SEMA5A: variants seen among roughly 807,000 people sequenced by gnomAD.
The protein encoded by SEMA5A is semaphorin-5A.
In SEMA5A, 55 loss-of-function variants were observed where a neutral mutation model predicts 135.5. The ratio of observed to expected loss-of-function variants is 0.41; its 90% CI spans 0.33 to 0.51. SEMA5A has a LOEUF of 0.51. Ranked by LOEUF, SEMA5A falls within the 20% of genes least tolerant of loss-of-function variation. The probability of loss-of-function intolerance (pLI) is 0.37; values close to 1 mark genes in which losing one functional copy is unlikely to be tolerated. For missense variants in SEMA5A, 1,290 were observed against 1,419.9 expected (o/e 0.91, Z 1.47); for synonymous variants, 580 against 546.5 (o/e 1.06, Z -0.85).
chr5:9,116,969 A>T (rs1481480078), intron 15 of SEMA5A, among the ~76,000 whole-genome samples: 1 of 152,226 alleles, frequency 6.6e-6, no homozygotes, highest in African/African-American at 2.4e-5. Context: ...CCCCCTAGAA[A>T]GACTATTCAA....
At chr5:9,384,661 T>TACATAGATAC (rs1214516553) in intron 2 of SEMA5A, among the ~76,000 whole-genome samples, 25 of 66,484 alleles carry the variant, frequency 3.8e-4, no homozygotes, top group Non-Finnish European at 5.7e-4. Context: ...GATAGATAGA[T>TACATAGATAC]ATAGATAGAT....
intron 3 of SEMA5A, among the ~76,000 whole-genome samples, chr5:9,356,607 T>C (rs1490825677): frequency 3.9e-5 from 6 of 152,234 alleles, no homozygotes. Context: ...CGGGAGCCCG[T>C]GTGGTGTGTG....
chr5:9,316,388 A>G (rs941561953), intron 5 of SEMA5A, among the ~76,000 whole-genome samples: 10 of 152,190 alleles, frequency 6.6e-5, no homozygotes, highest in Non-Finnish European at 1.5e-4. Context: ...AAGTGTGTTC[A>G]CTGCTACTAA....
At chr5:9,098,250 A>AATAAATAAATAC (rs1739433311) in intron 16 of SEMA5A, among the ~76,000 whole-genome samples, 1 of 149,962 alleles carries the variant, frequency 6.7e-6, no homozygotes, top group African/African-American at 2.5e-5. Flanking sequence ...TAAATAAATA[A>AATAAATAAATAC]ATAAATAAAT....
At chr5:9,209,034 A>G (rs1805969) in intron 8 of SEMA5A, among the ~76,000 whole-genome samples, 15,385 of 152,200 alleles carry the variant, frequency 0.1, 1,176 homozygotes, top group African/African-American at 0.21. Context: ...CATTGAAAAT[A>G]CACTACTTTC....
At chr5:9,182,962 A>G (rs983479331) in intron 11 of SEMA5A, among the ~76,000 whole-genome samples, 4 of 152,174 alleles carry the variant, frequency 2.6e-5, no homozygotes, top group African/African-American at 9.7e-5. Flanking sequence ...ACATAGCTAG[A>G]AGGCACATAT....
chr5:9,359,647 G>T (rs1303081010), intron 3 of SEMA5A, among the ~76,000 whole-genome samples: 1 of 152,088 alleles, frequency 6.6e-6, no homozygotes, highest in Non-Finnish European at 1.5e-5. Context: ...GATTTTGCTG[G>T]TTTTTAAGTC....
intron 1 of SEMA5A, among the ~76,000 whole-genome samples, chr5:9,526,481 C>T (rs990584320): frequency 6.6e-6 from 1 of 152,160 alleles, no homozygotes; most frequent in Non-Finnish European, 1.5e-5. Context: ...CTGTTCACTG[C>T]CTGGTAAAGA....
intron 5 of SEMA5A, among the ~76,000 whole-genome samples, chr5:9,263,301 C>T (rs1749504410): frequency 1.3e-5 from 2 of 152,178 alleles, no homozygotes; most frequent in African/African-American, 2.4e-5. Context: ...GGAACCAGGC[C>T]GCACAGCATG....
chr5:9,283,002 C>T (rs938953705), intron 5 of SEMA5A, among the ~76,000 whole-genome samples: 60 of 152,118 alleles, frequency 3.9e-4, no homozygotes, highest in African/African-American at 1.4e-3. Flanking sequence ...CTGCCAACAC[C>T]CTGGCCTAAG....
chr5:9,483,230 C>T (rs1759943485), intron 1 of SEMA5A, among the ~76,000 whole-genome samples: 1 of 152,108 alleles, frequency 6.6e-6, no homozygotes, highest in African/African-American at 2.4e-5. Flanking sequence ...TGTCTCCAAC[C>T]CTTTCCCATT....
At chr5:9,295,996 A>G (rs1253361918) in intron 5 of SEMA5A, among the ~76,000 whole-genome samples, 1 of 152,202 alleles carries the variant, frequency 6.6e-6, no homozygotes, top group African/African-American at 2.4e-5. Context: ...CCATATGCCA[A>G]ATAACAGCCC....
In SEMA5A at chr5:9,154,551, A is replaced by G. The variant is rs373284907; in HGVS notation, c.1418T>C (p.Val473Ala). 7.4e-6 allele frequency: 12 copies of G among 1,613,038 alleles called. No individual in the cohort carries two copies. The highest frequency in any genetic ancestry group is 1.0e-5 in the Non-Finnish European group (12 of 1,179,954). Reference sequence around the variant, plus strand: ...CTTGACCACGTGCTCCCGCAGGCCCACGAACAGGACACTCTGGCTGTGCAG... The same window carrying G: ...CTTGACCACGTGCTCCCGCAGGCCCGCGAACAGGACACTCTGGCTGTGCAG... ...QILHSQSVLF[V>A]GLREHVVKIP... Residue 473 changes from valine (V) to alanine (A), a missense_variant, in exon 12 of 23, where the codon GTG (valine) becomes GCG (alanine). Physicochemically the swap from Val to Ala is moderately conservative, Grantham distance 64 (BLOSUM62 0). Transcript: ENST00000382496.
At chr5:9,110,661 G>C (rs376827506) in intron 15 of SEMA5A, among the ~76,000 whole-genome samples, 1 of 152,184 alleles carries the variant, frequency 6.6e-6, no homozygotes, top group Admixed American at 6.5e-5. Flanking sequence ...TGATGTGTAG[G>C]GGGTGAAGGA....
intron 8 of SEMA5A, among the ~76,000 whole-genome samples, chr5:9,209,399 T>C (rs1579619300): frequency 3.3e-5 from 5 of 152,352 alleles, no homozygotes; most frequent in Non-Finnish European, 7.3e-5. Flanking sequence ...TTTTCTCTGA[T>C]GATATTTTAA....
At chr5:9,046,903 ATCACTCAC>A (rs745397905) in intron 21 of SEMA5A, among the ~76,000 whole-genome samples, 50 of 152,262 alleles carry the variant, frequency 3.3e-4, no homozygotes, top group Non-Finnish European at 5.0e-4. Flanking sequence ...CACAGTCCTG[ATCACTCAC>A]TCACTCACTC....
intron 16 of SEMA5A, among the ~76,000 whole-genome samples, chr5:9,078,485 A>C (rs188585798): frequency 2.6e-4 from 39 of 152,166 alleles, no homozygotes; most frequent in Middle Eastern, 3.4e-3. Flanking sequence ...TTGCCTTTAC[A>C]ATAATGCATG....
intron 2 of SEMA5A, among the ~76,000 whole-genome samples, chr5:9,414,053 C>A (rs1392492493): frequency 6.6e-6 from 1 of 152,090 alleles, no homozygotes; most frequent in Non-Finnish European, 1.5e-5. Context: ...CATCTACTGT[C>A]TTTCTTGACT....
chr5:9,444,080 A>G (rs1758338848), intron 1 of SEMA5A, among the ~76,000 whole-genome samples: 1 of 152,206 alleles, frequency 6.6e-6, no homozygotes, highest in Non-Finnish European at 1.5e-5. Context: ...TACATTCAAG[A>G]CAGGGTCAGG....
Sources: gnomAD v4.1 joint callset for allele counts (sites outside exome capture counted in the v4.1 genomes callset) on GRCh38, gnomAD v4.1.1 for gene constraint, MANE v1.5 for transcripts, NCBI Gene and HGNC (gene_info 2026-07-23, HGNC 2026-07-21) for gene names.